CDON: variants seen among roughly 807,000 people sequenced by gnomAD.
The protein encoded by CDON is cell adhesion associated, oncogene regulated.
CDON carries 73 observed loss-of-function variants against 120.9 expected under a neutral mutation model. That is an observed-to-expected ratio of 0.60 (90% confidence interval 0.50 to 0.73). The LOEUF is 0.73. Among genes scored for constraint, CDON ranks in the 30% least tolerant of loss-of-function variants. The pLI, the probability that CDON is intolerant of heterozygous loss-of-function variation, is 0.00. For missense variants in CDON, 1,470 were observed against 1,587.3 expected (o/e 0.93, Z 1.26); for synonymous variants, 566 against 573.5 (o/e 0.99, Z 0.19).
At chr11:126,014,874 G>A (rs922719337) in intron 7 of CDON, 3 of 201,722 alleles carry the variant, frequency 1.5e-5, no homozygotes, top group Non-Finnish European at 3.1e-5. Flanking sequence ...CTCATGTTGT[G>A]TGAAACCACT....
At chr11:125,994,470 G>A (rs1271503944) in intron 13 of CDON, 81 bp from the exon 14 acceptor site, 1 of 815,618 alleles carries the variant, frequency 1.2e-6, no homozygotes, top group East Asian at 2.6e-5. Flanking sequence ...TATCTACTTG[G>A]TCACATTTTT....
rs1946572289 is a variant in CDON, at chr11:125,989,653, C to T, written c.2757G>A (p.Met919Ile). Residue 919 changes from methionine (M) to isoleucine (I), a missense_variant, in exon 15 of 20, where the codon ATG becomes ATA. Physicochemically the swap from Met to Ile is conservative, Grantham distance 10 (BLOSUM62 1). Transcript: ENST00000531738. The part of the protein sequence containing the change: ...EGGESEFSNV[M>I]ICETKVKRVP... ...TTCTCCTACCTTTAGTCTCGCAGAT[C>T]ATCACATTGCTAAATTCACTTTCTC... The T allele has an allele frequency of 6.2e-7, 1 of 1,613,210 alleles. No homozygotes were observed. The highest frequency in any genetic ancestry group is 1.3e-5 in the African/African-American group (1 of 74,902).
chr11:126,031,594 G>A (rs937573697), intron 1 of CDON, among the ~76,000 whole-genome samples: 2 of 152,146 alleles, frequency 1.3e-5, no homozygotes, highest in Non-Finnish European at 2.9e-5. Context: ...GGAGGACAGT[G>A]GGCATTCTCC....
Position 126,040,961 on chromosome 11 carries a change from C to T in CDON, c.-61-17424G>A, listed in dbSNP as rs535625385. Among the ~76,000 whole-genome samples, 36 of 149,118 alleles carry T rather than the reference C, an allele frequency of 2.4e-4. 1 individual carries two copies. The South Asian group carries it at 6.1e-3, about 25-fold the overall frequency. On this transcript the variant is annotated intron_variant, in intron 1 of 19. Coordinates refer to ENST00000531738, the MANE Select transcript of CDON (RefSeq NM_001378964.1). ...ATCCCAGCACTTTAGGAGGCCGAGG[C>T]GGGCGGATCACAAGGTCAGGAGTTC... is the stretch of plus-strand genomic sequence containing the variant.
chr11:125,979,922 A>G (rs1451634523), intron 17 of CDON, among the ~76,000 whole-genome samples: 2 of 152,248 alleles, frequency 1.3e-5, no homozygotes, highest in Non-Finnish European at 2.9e-5. Flanking sequence ...AAGCTAGGTC[A>G]CATAAAAGCT....
chr11:125,998,287 C>A (rs1946845243), intron 11 of CDON, among the ~76,000 whole-genome samples: 1 of 152,072 alleles, frequency 6.6e-6, no homozygotes, highest in African/African-American at 2.4e-5. Context: ...AAAGTGATCC[C>A]CAATGTTGGA....
intron 19 of CDON, 130 bp downstream of exon 19, chr11:125,961,594 C>A (rs1295424964): frequency 3.2e-6 from 4 of 1,266,538 alleles, no homozygotes; most frequent in Non-Finnish European, 4.4e-6. Context: ...ACCCAGCACC[C>A]CACCCAGTCT....
chr11:125,984,136 A>C (rs73019393), intron 15 of CDON, 43 bp from the exon 16 acceptor site: 1 of 1,342,754 alleles, frequency 7.4e-7, no homozygotes, highest in Non-Finnish European at 1.1e-6. Flanking sequence ...GAGTGAATAC[A>C]GACTCCATGA....
At chr11:126,057,316 TACA>T (rs1431424808) in intron 1 of CDON, among the ~76,000 whole-genome samples, 5 of 152,182 alleles carry the variant, frequency 3.3e-5, no homozygotes, top group East Asian at 3.8e-4. Flanking sequence ...CAAAAGACTC[TACA>T]ACAATTTACA....
chr11:126,040,789 C>T (rs1456360882), intron 1 of CDON, among the ~76,000 whole-genome samples: 5 of 116,296 alleles, frequency 4.3e-5, no homozygotes, highest in African/African-American at 6.7e-5. Flanking sequence ...CACTCCAGCT[C>T]GGGCAACAGA....
chr11:126,058,145 G>A (rs1377296985), intron 1 of CDON, among the ~76,000 whole-genome samples: 2 of 152,256 alleles, frequency 1.3e-5, no homozygotes, highest in East Asian at 3.9e-4. Context: ...ACAGTTCCAA[G>A]TAACAAAACA....
intron 9 of CDON, 121 bp from the exon 10 acceptor site, chr11:126,004,197 A>G: frequency 1.1e-6 from 1 of 951,660 alleles, no homozygotes. Flanking sequence ...GAAGTAATAC[A>G]GCATGGTAAG....
In CDON at chr11:126,048,891, C is replaced by T. The variant is rs920037752; in HGVS notation, c.-62+13688G>A. 1.6e-4 allele frequency among the ~76,000 whole-genome samples: 24 copies of T among 152,158 alleles called. 1 individual carries two copies. Among genetic ancestry groups the T allele is most frequent in the African/African-American group, 4.3e-4 (18 of 41,520 alleles). On this transcript the variant is annotated intron_variant, in intron 1 of 19. Coordinates refer to ENST00000531738, the MANE Select transcript of CDON (RefSeq NM_001378964.1). ...GCTAATTTTGTATTTTTAGTAGAGA[C>T]GGAGTTTCTCCATGTTGGTCAGGCT...
chr11:125,996,353 T>C (rs886301523), intron 12 of CDON, among the ~76,000 whole-genome samples: 4 of 152,170 alleles, frequency 2.6e-5, no homozygotes, highest in African/African-American at 7.2e-5. Context: ...GAATTTTTAA[T>C]GATACTGGAA....
rs976412070 is a variant in CDON, at chr11:125,979,385, T to C, written c.3277-1002A>G. 2.6e-5 allele frequency among the ~76,000 whole-genome samples: 4 copies of C among 152,196 alleles called. No individual in the cohort carries two copies. In the South Asian group the frequency reaches 8.3e-4, roughly 32 times the overall value. ...AGAGAAAGAACTCTCCTATACTATA[T>C]TCCATCTGAGGGAAAACCTGAAAGG... On this transcript the variant is annotated intron_variant, in intron 17 of 19. Coordinates refer to ENST00000531738, the MANE Select transcript of CDON (RefSeq NM_001378964.1).
intron 15 of CDON, among the ~76,000 whole-genome samples, chr11:125,986,765 C>CA (rs34891949): frequency 0.31 from 42,382 of 138,626 alleles, 6,630 homozygotes; most frequent in African/African-American, 0.42. Flanking sequence ...GACTCCATCT[C>CA]AAAAAAAAAA....
chr11:126,057,154 T>C (rs74513425), intron 1 of CDON, among the ~76,000 whole-genome samples: 28,330 of 152,162 alleles, frequency 0.19, 3,627 homozygotes, highest in Non-Finnish European at 0.27. Context: ...CCCAGTTCTG[T>C]GAATAAAAAT....
chr11:126,016,880 C>T (rs1947483217), intron 6 of CDON, among the ~76,000 whole-genome samples: 1 of 151,934 alleles, frequency 6.6e-6, no homozygotes, highest in South Asian at 2.1e-4. Flanking sequence ...GGTGAGGTTC[C>T]GAAGAATATT....
chr11:126,048,237 C>T (rs988484490), intron 1 of CDON, among the ~76,000 whole-genome samples: 9 of 149,230 alleles, frequency 6.0e-5, no homozygotes, highest in South Asian at 2.1e-4. Flanking sequence ...GAGCCGACAT[C>T]GCACCACTGC....
Sources: gnomAD v4.1 joint callset for allele counts (sites outside exome capture counted in the v4.1 genomes callset) on GRCh38, gnomAD v4.1.1 for gene constraint, MANE v1.5 for transcripts, NCBI Gene and HGNC (gene_info 2026-07-23, HGNC 2026-07-21) for gene names.